Variants in TSNAXIP1 observed in about 807,000 individuals in gnomAD.
TSNAXIP1 encodes the protein translin-associated factor X-interacting protein 1.
TSNAXIP1 carries 89 observed loss-of-function variants against 84.8 expected under a neutral mutation model. That is an observed-to-expected ratio of 1.05 (90% CI 0.88 to 1.25). The LOEUF (loss-of-function observed/expected upper bound fraction) is 1.25. TSNAXIP1 is among the 50% of genes most tolerant of loss of function. TSNAXIP1 has a pLI of 0.00. For synonymous variants in TSNAXIP1, 347 were observed against 335.2 expected, an observed-to-expected ratio of 1.04 and a Z score of -0.39; for missense variants, 874 against 887.6, an observed-to-expected ratio of 0.98 and a Z score of 0.20.
In TSNAXIP1 at chr16:67,826,672, G is replaced by A; in HGVS notation, c.1402-20G>A. 1 of 1,612,516 alleles carries A rather than the reference G, an allele frequency of 6.2e-7. No homozygotes were observed. Among genetic ancestry groups the A allele is most frequent in the Non-Finnish European group, 8.5e-7 (1 of 1,179,134 alleles). ...CAACCAACCGTAAGACTCTGACTGAGCATTTCCTCGATCCCGCAGAAAGAG... is the reference window on the plus strand; with the variant it reads ...CAACCAACCGTAAGACTCTGACTGAACATTTCCTCGATCCCGCAGAAAGAG... On this transcript the variant is annotated intron_variant, in intron 11 of 15. Coordinates refer to ENST00000561639, the MANE Select transcript of TSNAXIP1 (RefSeq NM_001288990.3).
intron 4 of TSNAXIP1, 42 bp downstream of exon 4, chr16:67,821,267 T>TTGGGGG: frequency 1.2e-6 from 1 of 829,426 alleles, no homozygotes; most frequent in Non-Finnish European, 1.9e-6. Context: ...GGGGGAAGGG[T>TTGGGGG]GGGAAGAAGC....
chr16:67,806,997 C>T lies in TSNAXIP1; in HGVS notation c.-153C>T, dbSNP rs1407486952. The T allele has an allele frequency of 3.9e-6, 5 of 1,287,230 alleles. No individual in the cohort carries two copies. The highest frequency in any genetic ancestry group is 5.2e-6 in the Non-Finnish European group (5 of 962,658). 79.7% of individuals were successfully genotyped at this position (1,287,230 alleles called of 1,614,324 possible). A position where few individuals can be genotyped will look rare whatever the true frequency, so the allele number is the denominator to read the frequency against. On this transcript the variant is annotated 5_prime_UTR_variant, in exon 1 of 16. Coordinates refer to ENST00000561639, the MANE Select transcript of TSNAXIP1 (RefSeq NM_001288990.3). ...CACCTTTGCTACTTTGTCCTACTCC[C>T]AGCCCGCGGGCGCTAGGCTCGGGGG...
chr16:67,820,829 C>T lies in TSNAXIP1; in HGVS notation c.148-10C>T. ...GTTGCCATGGCAACCCCACCTGTAC[C>T]TCCCTGCAGACTGGTCAGTTCTCCA... On this transcript the variant is annotated splice_polypyrimidine_tract_variant and intron_variant, in intron 2 of 15. Coordinates refer to ENST00000561639, the MANE Select transcript of TSNAXIP1 (RefSeq NM_001288990.3). 1 of 1,513,402 alleles carries T rather than the reference C, an allele frequency of 6.6e-7. No homozygotes were observed. Among genetic ancestry groups the T allele is most frequent in the Non-Finnish European group, 8.9e-7 (1 of 1,128,790 alleles). 93.7% of individuals were successfully genotyped at this position (1,513,402 alleles called of 1,614,324 possible). A position where few individuals can be genotyped will look rare whatever the true frequency, so the allele number is the denominator to read the frequency against.
Position 67,827,536 on chromosome 16 carries a change from G to A in TSNAXIP1, c.1855G>A (p.Asp619Asn), listed in dbSNP as rs537318316. The change falls in exon 15 of 16, where the codon GAC becomes AAC. Residue 619 changes from aspartate to asparagine, a missense_variant. By Grantham distance (23) the Asp-to-Asn change is conservative (BLOSUM62 1). Transcript: ENST00000561639. Reference sequence around the variant, plus strand: ...CTGGGAACAATACATGGATGAGAAGGACGAGTACTTACAGCAGCTAAAGCA... The same window carrying A: ...CTGGGAACAATACATGGATGAGAAGAACGAGTACTTACAGCAGCTAAAGCA... ...KLWEQYMDEK[D>N]EYLQQLKQEL... 9.3e-6 allele frequency: 15 copies of A among 1,614,090 alleles called. No homozygotes were observed. The highest frequency in any genetic ancestry group is 1.7e-5 in the Admixed American group (1 of 60,010).
At chr16:67,815,083 C>T (rs528975358) in intron 2 of TSNAXIP1, among the ~76,000 whole-genome samples, 1 of 151,614 alleles carries the variant, frequency 6.6e-6, no homozygotes, top group South Asian at 2.1e-4. Context: ...TCTGGGAGGC[C>T]GAGGCAGGCG....
chr16:67,815,083 C>A (rs528975358), intron 2 of TSNAXIP1, among the ~76,000 whole-genome samples: 2 of 151,708 alleles, frequency 1.3e-5, no homozygotes, highest in East Asian at 3.9e-4. Flanking sequence ...TCTGGGAGGC[C>A]GAGGCAGGCG....
intron 2 of TSNAXIP1, among the ~76,000 whole-genome samples, chr16:67,814,632 A>G (rs2056390337): frequency 6.6e-6 from 1 of 151,964 alleles, no homozygotes; most frequent in South Asian, 2.1e-4. Context: ...GCCTTCCCGG[A>G]TCTCCCTAGG....
At chr16:67,814,174 G>A (rs2056351677) in intron 1 of TSNAXIP1, 128 bp from the exon 2 acceptor site, 3 of 693,326 alleles carry the variant, frequency 4.3e-6, no homozygotes, top group Non-Finnish European at 7.3e-6. Context: ...GTGTCTCTGG[G>A]AATCCGGAGG....
chr16:67,813,164 A>G (rs574257938), intron 1 of TSNAXIP1, among the ~76,000 whole-genome samples: 79 of 152,162 alleles, frequency 5.2e-4, no homozygotes, highest in Middle Eastern at 6.8e-3. Flanking sequence ...ACGTGGGTGG[A>G]TCATTTGAGG....
chr16:67,807,436 T>C (rs1198349797), intron 1 of TSNAXIP1: 2 of 1,438,154 alleles, frequency 1.4e-6, no homozygotes, highest in Non-Finnish European at 1.9e-6. Context: ...TTGAATGTAC[T>C]ATATGCCAAA....
intron 2 of TSNAXIP1, among the ~76,000 whole-genome samples, chr16:67,817,608 A>G (rs2151220868): frequency 7.1e-6 from 1 of 140,882 alleles, no homozygotes; most frequent in East Asian, 2.5e-4. Flanking sequence ...AGTCTGAAAA[A>G]CGGCCGGGCG....
intron 4 of TSNAXIP1, 97 bp from the exon 5 acceptor site, chr16:67,823,529 C>A: frequency 2.2e-6 from 2 of 925,736 alleles, no homozygotes; most frequent in South Asian, 1.5e-5. Flanking sequence ...GGTGATGGAG[C>A]GACACTCCGT....
intron 1 of TSNAXIP1, among the ~76,000 whole-genome samples, chr16:67,809,311 T>C (rs945103782): frequency 6.8e-6 from 1 of 147,566 alleles, no homozygotes; most frequent in Non-Finnish European, 1.5e-5. Flanking sequence ...CTACTAAAAA[T>C]ACAAAAATTA....
rs546181021 is a variant in TSNAXIP1, at chr16:67,825,590, C to G, written c.815-77C>G. The G allele has an allele frequency of 5.9e-6, 9 of 1,528,282 alleles. No homozygotes were observed. The African/African-American group carries it at 9.7e-5, about 16-fold the overall frequency. 94.7% of individuals were successfully genotyped at this position (1,528,282 alleles called of 1,614,324 possible). ...TGGGCAAGAACCAGGGAACCCCAAACAGGAAGGGCAGAGGGCTTCAGGCAA... is the reference window on the plus strand; with the variant it reads ...TGGGCAAGAACCAGGGAACCCCAAAGAGGAAGGGCAGAGGGCTTCAGGCAA... On this transcript the variant is annotated intron_variant, in intron 7 of 15. Coordinates refer to ENST00000561639, the MANE Select transcript of TSNAXIP1 (RefSeq NM_001288990.3).
Position 67,826,292 on chromosome 16 carries a change from G to T in TSNAXIP1, c.1275+10G>T. The stretch of plus-strand genomic sequence containing the variant: ...CTTCTTCCCTGGTCTGGTAGGGGAG[G>T]CCCCAGGAGTGGGGCTTGGGCCAGA... On this transcript the variant is annotated intron_variant, in intron 10 of 15. Transcript: ENST00000561639. The T allele has an allele frequency of 6.3e-7, 1 of 1,575,542 alleles. No individual in the cohort carries two copies. Among genetic ancestry groups the T allele is most frequent in the Non-Finnish European group, 8.6e-7 (1 of 1,159,078 alleles).
chr16:67,826,538 G>C lies in TSNAXIP1; in HGVS notation c.1377G>C (p.Trp459Cys). Residue 459 changes from tryptophan to cysteine, a missense_variant, in exon 11 of 16, where the codon TGG becomes TGC. Trp to Cys is a radical substitution (Grantham distance 215). Transcript: ENST00000561639. ...TGGTCAACCTCCTCAAGGATGCCTGGAAGGAACGTCTTGCTGAGGAGCAGG... is the reference window on the plus strand; with the variant it reads ...TGGTCAACCTCCTCAAGGATGCCTGCAAGGAACGTCTTGCTGAGGAGCAGG... ...KDVVNLLKDA[W>C]KERLAEEQKE... 1 of 1,614,164 alleles carries C rather than the reference G, an allele frequency of 6.2e-7. No homozygotes were observed. Among genetic ancestry groups the C allele is most frequent in the Non-Finnish European group, 8.5e-7 (1 of 1,180,030 alleles).
intron 1 of TSNAXIP1, among the ~76,000 whole-genome samples, chr16:67,809,625 C>CAAAAA: frequency 6.8e-6 from 1 of 146,364 alleles, no homozygotes; most frequent in African/African-American, 2.6e-5. Context: ...GACTCCGTCT[C>CAAAAA]AAAAAAAAAT....
intron 1 of TSNAXIP1, among the ~76,000 whole-genome samples, chr16:67,812,834 C>T (rs1030207946): frequency 6.6e-6 from 1 of 152,124 alleles, no homozygotes; most frequent in Non-Finnish European, 1.5e-5. Flanking sequence ...TCATCTCGAA[C>T]TCCTGGGCTC....
chr16:67,824,588 C>A lies in TSNAXIP1; in HGVS notation c.487C>A (p.Gln163Lys). ...TCCCACCTGTCTCTGCTTAGCCCACCAAAGGGAGAAGATTCGGGCTCTGGA... is the reference window on the plus strand; with the variant it reads ...TCCCACCTGTCTCTGCTTAGCCCACAAAAGGGAGAAGATTCGGGCTCTGGA... ...KNAYEGMLAH[Q>K]REKIRALEPL... Residue 163 changes from glutamine to lysine, a missense_variant, in exon 6 of 16, where the codon CAA (glutamine) becomes AAA (lysine). Gln to Lys is a moderately conservative substitution (Grantham distance 53). Transcript: ENST00000561639. 6.2e-7 allele frequency: 1 copy of A among 1,613,676 alleles called. No individual in the cohort carries two copies. The highest frequency in any genetic ancestry group is 8.5e-7 in the Non-Finnish European group (1 of 1,179,876).
Sources: gnomAD v4.1 joint callset for allele counts (sites outside exome capture counted in the v4.1 genomes callset) on GRCh38, gnomAD v4.1.1 for gene constraint, MANE v1.5 for transcripts, NCBI Gene and HGNC (gene_info 2026-07-23, HGNC 2026-07-21) for gene names.